Variants in ESRRB observed in about 807,000 individuals in gnomAD.
The protein encoded by ESRRB is estrogen related receptor beta, also known as steroid hormone receptor ERR2.
Under a neutral mutation model 46.0 loss-of-function variants are expected in ESRRB, and 16 were observed. That is an observed-to-expected ratio of 0.35 (90% CI 0.24 to 0.53). The LOEUF is 0.53. Among genes scored for constraint, ESRRB ranks in the 20% least tolerant of loss-of-function variants. The probability of loss-of-function intolerance (pLI) is 0.93; values close to 1 mark genes in which losing one functional copy is unlikely to be tolerated. For synonymous variants in ESRRB, 246 were observed against 259.6 expected (o/e 0.95, Z 0.50); for missense variants, 488 against 607.4 (o/e 0.80, Z 2.07).
At chr14:76,380,960 A>T (rs542163246) in intron 1 of ESRRB, among the ~76,000 whole-genome samples, 2 of 152,178 alleles carry the variant, frequency 1.3e-5, no homozygotes, top group Non-Finnish European at 2.9e-5. Context: ...ATTTCTAGAG[A>T]TAAATCAAAG....
Position 76,439,757 on chromosome 14 carries a change from G to T in ESRRB, c.460+7G>T, listed in dbSNP as rs1887839273. 2 of 1,612,554 alleles carry T rather than the reference G, an allele frequency of 1.2e-6. No individual in the cohort carries two copies. Among genetic ancestry groups the T allele is most frequent in the East Asian group, 4.5e-5 (2 of 44,808 alleles). On this transcript the variant is annotated splice_region_variant and intron_variant, in intron 2 of 6. Coordinates refer to ENST00000644823, the MANE Select transcript of ESRRB (RefSeq NM_001379180.1). Reference sequence around the variant, plus strand: ...TTCAAGAGGACTATCCAAGGTGCGTGGTGGGCCTCAAGGAGCCTGGGCGCA... The same window carrying T: ...TTCAAGAGGACTATCCAAGGTGCGTTGTGGGCCTCAAGGAGCCTGGGCGCA...
intron 1 of ESRRB, among the ~76,000 whole-genome samples, chr14:76,437,099 T>C (rs1001779310): frequency 6.6e-6 from 1 of 152,144 alleles, no homozygotes; most frequent in Admixed American, 6.5e-5. Flanking sequence ...TAGCCCGATC[T>C]CGGCTCACTG....
Position 76,450,460 on chromosome 14 carries a change from G to A in ESRRB, c.460+10710G>A, listed in dbSNP as rs143090559. On this transcript the variant is annotated intron_variant, in intron 2 of 6. Transcript: ENST00000644823. ...GGGGCTGTACGGTTAGGTAAAGCCA[G>A]TCTGCACTCCTCCTTGAGTTCCCAG... 2.2e-3 allele frequency among the ~76,000 whole-genome samples: 332 copies of A among 152,300 alleles called. 2 individuals carry two copies. The highest frequency in any genetic ancestry group is 1.0e-2 in the South Asian group (48 of 4,822).
At chr14:76,325,478 G>T (rs1234296600) in intron 1 of ESRRB, among the ~76,000 whole-genome samples, 1 of 152,100 alleles carries the variant, frequency 6.6e-6, no homozygotes, top group Admixed American at 6.5e-5. Context: ...CACGGAGAAG[G>T]GAAACTTATA....
chr14:76,314,627 G>T (rs1309419509), intron 1 of ESRRB, among the ~76,000 whole-genome samples: 1 of 152,124 alleles, frequency 6.6e-6, no homozygotes. Context: ...TGGTTCTCCT[G>T]CTGGCTTTCT....
At chr14:76,487,665 A>G (rs2980891) in intron 5 of ESRRB, among the ~76,000 whole-genome samples, 152,082 of 152,252 alleles carry the variant, frequency 1, 75,956 homozygotes, top group Middle Eastern at 1. Flanking sequence ...ATGCAGTGGC[A>G]TGATCTTGGC....
chr14:76,319,896 G>A (rs1344761309), intron 1 of ESRRB, among the ~76,000 whole-genome samples: 1 of 152,058 alleles, frequency 6.6e-6, no homozygotes, highest in East Asian at 1.9e-4. Context: ...AAAATTCCTA[G>A]AGACACGATG....
intron 1 of ESRRB, among the ~76,000 whole-genome samples, chr14:76,422,071 G>A (rs1431863039): frequency 6.6e-6 from 1 of 152,108 alleles, no homozygotes; most frequent in East Asian, 1.9e-4. Context: ...CTTGCCAAGG[G>A]CAGTCCTGGT....
intron 3 of ESRRB, among the ~76,000 whole-genome samples, chr14:76,469,553 A>T (rs1889268906): frequency 6.6e-6 from 1 of 152,222 alleles, no homozygotes; most frequent in Non-Finnish European, 1.5e-5. Flanking sequence ...AAAATGTTAA[A>T]AAAATTTTTT....
chr14:76,418,138 T>C (rs573770585), intron 1 of ESRRB, among the ~76,000 whole-genome samples: 16 of 151,878 alleles, frequency 1.1e-4, no homozygotes, highest in Non-Finnish European at 2.1e-4. Flanking sequence ...GTATTTTTAG[T>C]AAGACAGGGT....
At chr14:76,443,459 T>G (rs1888003436) in intron 2 of ESRRB, among the ~76,000 whole-genome samples, 2 of 151,842 alleles carry the variant, frequency 1.3e-5, no homozygotes, top group Non-Finnish European at 2.9e-5. Flanking sequence ...AATGAGAACC[T>G]CCAGTATGAT....
chr14:76,439,244 C>T, intron 1 of ESRRB, 97 bp from the exon 2 acceptor site: 1 of 1,363,326 alleles, frequency 7.3e-7, no homozygotes, highest in Non-Finnish European at 1.0e-6. Flanking sequence ...AAAGCCTTAG[C>T]ATAGAGCCCT....
intron 1 of ESRRB, among the ~76,000 whole-genome samples, chr14:76,391,628 C>A (rs748772082): frequency 6.6e-5 from 10 of 152,222 alleles, no homozygotes; most frequent in Non-Finnish European, 1.5e-4. Context: ...TTCACTTTAC[C>A]CTGAGCTCCT....
chr14:76,397,601 T>A (rs1379512038), intron 1 of ESRRB, among the ~76,000 whole-genome samples: 2 of 152,136 alleles, frequency 1.3e-5, no homozygotes, highest in African/African-American at 4.8e-5. Context: ...GGGCAAAAAT[T>A]GAGACAAAAT....
chr14:76,482,541 AC>A lies in ESRRB; in HGVS notation c.689-53del. 6.2e-7 allele frequency: 1 copy of A among 1,604,560 alleles called. No homozygotes were observed. ...TGCTTCCTGACCCATCTGAGCCTCC[AC>A]CCCGGCCCCTTTCCTCTTTTCCCAG... is the stretch of plus-strand genomic sequence containing the variant. On this transcript the variant is annotated intron_variant, in intron 4 of 6. Coordinates refer to ENST00000644823, the MANE Select transcript of ESRRB (RefSeq NM_001379180.1). This position sits in a 1 kb window ranked among gnomAD's most constrained non-coding sequence, Gnocchi z 4.3.
At chr14:76,449,569 A>T (rs112844740) in intron 2 of ESRRB, among the ~76,000 whole-genome samples, 22,592 of 151,572 alleles carry the variant, frequency 0.15, 2,606 homozygotes, top group African/African-American at 0.33. Flanking sequence ...AAGAAAAAAA[A>T]GTTTGTTTTT....
At chr14:76,483,836 T>C (rs1889901439) in intron 5 of ESRRB, among the ~76,000 whole-genome samples, 1 of 152,200 alleles carries the variant, frequency 6.6e-6, no homozygotes, top group South Asian at 2.1e-4. Flanking sequence ...AGACTTTAGA[T>C]ACCAAGACCC....
At chr14:76,342,376 T>C (rs986989954) in intron 1 of ESRRB, among the ~76,000 whole-genome samples, 3 of 152,156 alleles carry the variant, frequency 2.0e-5, no homozygotes, top group South Asian at 4.1e-4. Context: ...AACAGGGAAC[T>C]TGGTGAGAGC....
At chr14:76,428,681 C>T (rs1887302444) in intron 1 of ESRRB, among the ~76,000 whole-genome samples, 1 of 152,204 alleles carries the variant, frequency 6.6e-6, no homozygotes, top group Admixed American at 6.5e-5. Context: ...GATCTCCCAG[C>T]TGTCCCAGGG....
Sources: gnomAD v4.1 joint callset for allele counts (sites outside exome capture counted in the v4.1 genomes callset) on GRCh38, gnomAD v4.1.1 for gene constraint, Gnocchi (gnomAD v3.1) non-coding constraint, MANE v1.5 for transcripts, NCBI Gene and HGNC (gene_info 2026-07-23, HGNC 2026-07-21) for gene names.